The following SIRPG variants were observed in gnomAD, a reference collection of about 807,000 sequenced individuals.
SIRPG encodes signal regulatory protein gamma.
SIRPG carries 38 observed loss-of-function variants against 35.7 expected under a neutral mutation model. The ratio of observed to expected loss-of-function variants is 1.06; its 90% CI spans 0.82 to 1.40. SIRPG has a LOEUF of 1.40. Ranked by LOEUF, SIRPG falls within the 40% of genes most tolerant of loss-of-function variation. The pLI, the probability that SIRPG is intolerant of heterozygous loss-of-function variation, is 0.00. For missense variants in SIRPG, 519 were observed against 483.0 expected, an observed-to-expected ratio of 1.07 and a Z score of -0.70; for synonymous variants, 215 against 190.4, an observed-to-expected ratio of 1.13 and a Z score of -1.06.
intron 3 of SIRPG, 56 bp downstream of exon 3, chr20:1,636,132 G>A (rs2091797924): frequency 6.2e-7 from 1 of 1,611,060 alleles, no homozygotes; most frequent in Non-Finnish European, 8.5e-7. Flanking sequence ...CCTGGGGAGA[G>A]GGGAGTGGGC....
intron 1 of SIRPG, among the ~76,000 whole-genome samples, chr20:1,653,536 C>G (rs1379566241): frequency 6.6e-6 from 1 of 152,102 alleles, no homozygotes; most frequent in Non-Finnish European, 1.5e-5. Flanking sequence ...ATAGGCAGAC[C>G]TGTGTCACCT....
chr20:1,640,052 C>T (rs1030484146), intron 2 of SIRPG, among the ~76,000 whole-genome samples: 4 of 152,168 alleles, frequency 2.6e-5, no homozygotes, highest in South Asian at 2.1e-4. Context: ...AGTCAGGTAG[C>T]GTGATGCCTC....
the SIRPG span, among the ~76,000 whole-genome samples, chr20:1,665,892 CT>C: frequency 6.6e-6 from 1 of 151,948 alleles, no homozygotes; most frequent in Non-Finnish European, 1.5e-5. Flanking sequence ...AAAATCTGGT[CT>C]TTTTTGGATA....
At chr20:1,641,957 C>T (rs1293251543) in intron 2 of SIRPG, among the ~76,000 whole-genome samples, 4 of 152,130 alleles carry the variant, frequency 2.6e-5, no homozygotes, top group Non-Finnish European at 5.9e-5. Context: ...GTCTGATAAA[C>T]TGTTGGCTAT....
chr20:1,655,510 C>T (rs769365455), intron 1 of SIRPG, among the ~76,000 whole-genome samples: 18 of 150,648 alleles, frequency 1.2e-4, no homozygotes, highest in African/African-American at 1.7e-4. Context: ...TGGTGTTTAT[C>T]GGGGGCTAGA....
chr20:1,683,460 C>T, the SIRPG span, among the ~76,000 whole-genome samples: 1 of 152,174 alleles, frequency 6.6e-6, no homozygotes. Flanking sequence ...TCCATTGCAG[C>T]ATTATTTACA....
the SIRPG span, among the ~76,000 whole-genome samples, chr20:1,680,570 G>T: frequency 6.6e-6 from 1 of 152,102 alleles, no homozygotes; most frequent in Admixed American, 6.6e-5. Flanking sequence ...CCAAATACTA[G>T]CAAACTGAAT....
chr20:1,677,447 G>A, the SIRPG span, among the ~76,000 whole-genome samples: 6 of 152,114 alleles, frequency 3.9e-5, no homozygotes, highest in Admixed American at 2.0e-4. Flanking sequence ...CTTCCGCAGA[G>A]ACCCACAAGG....
the SIRPG span, among the ~76,000 whole-genome samples, chr20:1,674,577 C>T: frequency 1.3e-5 from 2 of 152,216 alleles, no homozygotes; most frequent in Non-Finnish European, 2.9e-5. Context: ...CCTGCCTGCC[C>T]TGCACTAACC....
chr20:1,670,028 T>A, the SIRPG span: 3 of 256,882 alleles, frequency 1.2e-5, no homozygotes, highest in Non-Finnish European at 2.6e-5. Context: ...ATCATCCCTG[T>A]GGGCAGATAT....
At chr20:1,669,216 C>A in the SIRPG span, among the ~76,000 whole-genome samples, 1 of 152,188 alleles carries the variant, frequency 6.6e-6, no homozygotes, top group Non-Finnish European at 1.5e-5. Context: ...TACCTTGATT[C>A]GTTTAGACTA....
At chr20:1,663,541 G>A in the SIRPG span, among the ~76,000 whole-genome samples, 1 of 152,230 alleles carries the variant, frequency 6.6e-6, no homozygotes, top group Non-Finnish European at 1.5e-5. Context: ...TTGTTAAACT[G>A]TTGGAAGCTT....
chr20:1,649,629 C>CTTTTTTTTTTTTTTTTTTTTTTTTTT (rs35561366), intron 1 of SIRPG, among the ~76,000 whole-genome samples: 2 of 75,762 alleles, frequency 2.6e-5, no homozygotes, highest in African/African-American at 5.7e-5. Context: ...CAGAGAGGTT[C>CTTTTTTTTTTTTTTTTTTTTTTTTTT]TTTTTTTTTT....
At chr20:1,684,649 T>C in the SIRPG span, among the ~76,000 whole-genome samples, 1 of 152,192 alleles carries the variant, frequency 6.6e-6, no homozygotes, top group African/African-American at 2.4e-5. Context: ...ATTATTCCTA[T>C]GTTTACTTCC....
upstream of SIRPG, among the ~76,000 whole-genome samples, chr20:1,660,924 G>C (rs1425673379): frequency 1.3e-5 from 2 of 152,168 alleles, no homozygotes; most frequent in African/African-American, 4.8e-5. Flanking sequence ...TGTGATCCTG[G>C]GGTCACTATT....
intron 2 of SIRPG, among the ~76,000 whole-genome samples, chr20:1,638,057 C>T (rs2091818663): frequency 6.6e-6 from 1 of 152,190 alleles, no homozygotes; most frequent in South Asian, 2.1e-4. Context: ...GTCATCAAGA[C>T]ACCAGCAGCA....
chr20:1,642,292 T>C (rs943916770), intron 2 of SIRPG, among the ~76,000 whole-genome samples: 10 of 152,230 alleles, frequency 6.6e-5, no homozygotes, highest in Non-Finnish European at 1.2e-4. Flanking sequence ...TTAGGATAGT[T>C]AGTTGAATTG....
intron 1 of SIRPG, among the ~76,000 whole-genome samples, chr20:1,650,103 C>T (rs1313818830): frequency 6.8e-6 from 1 of 147,146 alleles, no homozygotes; most frequent in East Asian, 2.0e-4. Context: ...TAAAGCTATG[C>T]GTCTTTTGCA....
Position 1,636,488 on chromosome 20 carries a change from C to A in SIRPG, c.448G>T (p.Val150Leu), listed in dbSNP as rs373555109. 2 of 1,613,982 alleles carry A rather than the reference C, an allele frequency of 1.2e-6. No homozygotes were observed. The highest frequency in any genetic ancestry group is 1.1e-5 in the South Asian group (1 of 91,088). Residue 150 changes from valine (V) to leucine (L), a missense_variant, in exon 3 of 6, where the codon GTG becomes TTG. Physicochemically the swap from Val to Leu is conservative, Grantham distance 32. Transcript: ENST00000303415. ...MALGAKPSAPVVLGPAARTTP... is the reference protein window; with the variant it reads ...MALGAKPSAPLVLGPAARTTP... ...GTCCTCGCCGCAGGGCCCAATACCA[C>A]GGGGGCAGAGGGTTTGGCTACAAAA...
Sources: gnomAD v4.1 joint callset for allele counts (sites outside exome capture counted in the v4.1 genomes callset) on GRCh38, gnomAD v4.1.1 for gene constraint, MANE v1.5 for transcripts, NCBI Gene and HGNC (gene_info 2026-07-23, HGNC 2026-07-21) for gene names.